MOSPD2: variants seen among roughly 807,000 people sequenced by gnomAD.
MOSPD2 encodes the protein motile sperm domain-containing protein 2.
A neutral mutation model predicts 41.7 loss-of-function variants in MOSPD2; 5 were observed. That is an observed-to-expected ratio of 0.12 (90% CI 0.06 to 0.25). The LOEUF (loss-of-function observed/expected upper bound fraction) is 0.25. Among genes scored for constraint, MOSPD2 ranks in the 10% least tolerant of loss-of-function variants. MOSPD2 has a pLI of 1.00. For missense variants in MOSPD2, 282 were observed against 375.2 expected (o/e 0.75, Z 2.05); for synonymous variants, 115 against 126.9 (o/e 0.91, Z 0.63).
intron 7 of MOSPD2, among the ~76,000 whole-genome samples, chrX:14,908,112 A>G (rs903331466): frequency 6.3e-5 from 7 of 111,519 alleles, no homozygotes; most frequent in African/African-American, 2.3e-4. Context: ...AAATGTACTT[A>G]GATTGTCACA....
At position 14,881,196 on chromosome X, in the gene MOSPD2, A is replaced by G. The variant is rs186921220; in HGVS notation, c.79+7438A>G. Among the ~76,000 whole-genome samples the G allele has an allele frequency of 2.7e-3, 298 of 108,992 alleles. 2 individuals are homozygous for G. Among genetic ancestry groups the G allele is most frequent in the Non-Finnish European group, 3.7e-3 (196 of 52,500 alleles). 94.6% of individuals were successfully genotyped at this position (108,992 alleles called of 115,157 possible). On this transcript the variant is annotated intron_variant, in intron 2 of 14. Coordinates refer to ENST00000380492, the MANE Select transcript of MOSPD2 (RefSeq NM_152581.4). ...ATTTCTCCTGGTGGGATCTGTTGGT[A>G]GTAAACTTTCTTGGTCTTGAAAATA...
chrX:14,878,051 C>T (rs947971695), intron 2 of MOSPD2, among the ~76,000 whole-genome samples: 3 of 110,839 alleles, frequency 2.7e-5, no homozygotes, highest in African/African-American at 6.6e-5. Flanking sequence ...TTTATTTCTC[C>T]GTATTTATGA....
At chrX:14,895,183 G>T (rs2092560876) in intron 3 of MOSPD2, 125 bp from the exon 4 acceptor site, 6 of 451,695 alleles carry the variant, frequency 1.3e-5, no homozygotes, top group South Asian at 7.3e-5. Flanking sequence ...ATTTTTTTTT[G>T]AATGTTTGGG....
chrX:14,874,063 C>T, intron 2 of MOSPD2: 1 of 331,056 alleles, frequency 3.0e-6, no homozygotes, highest in Non-Finnish European at 5.3e-6. Context: ...ACACGGGTGA[C>T]ATTGTCCAGT....
intron 2 of MOSPD2, among the ~76,000 whole-genome samples, chrX:14,876,796 GAT>G (rs2092521147): frequency 1.8e-5 from 2 of 112,071 alleles, no homozygotes; most frequent in Admixed American, 1.9e-4. Context: ...TTAAAACAGA[GAT>G]AGCTATTAAA....
rs377701466 is a variant in MOSPD2 at position 14,899,947 on chromosome X, A to G, written c.478-628A>G. Among the ~76,000 whole-genome samples, 8 of 111,658 alleles carry G rather than the reference A, an allele frequency of 7.2e-5. No individual in the cohort carries two copies. In the East Asian group the frequency reaches 1.7e-3, roughly 23 times the overall value. On this transcript the variant is annotated intron_variant, in intron 5 of 14. Coordinates refer to ENST00000380492, the MANE Select transcript of MOSPD2 (RefSeq NM_152581.4). ...CAGATAGCTATGTTTGTAGTCTCCC[A>G]GAAATCAGAATCAGTGAACAACACT...
intron 2 of MOSPD2, among the ~76,000 whole-genome samples, chrX:14,889,519 CT>C (rs1282373796): frequency 9.2e-6 from 1 of 108,566 alleles, no homozygotes; most frequent in Non-Finnish European, 1.9e-5. Context: ...CTATCTGTCT[CT>C]CCCCCTCTCT....
chrX:14,907,740 G>T (rs2092584677), intron 7 of MOSPD2, among the ~76,000 whole-genome samples: 1 of 111,635 alleles, frequency 9.0e-6, no homozygotes, highest in Non-Finnish European at 1.9e-5. Flanking sequence ...GTTCTTTTTG[G>T]TGTGATGAAA....
At chrX:14,915,905 A>G in intron 12 of MOSPD2, 141 bp downstream of exon 12, 2 of 599,251 alleles carry the variant, frequency 3.3e-6, no homozygotes, top group Non-Finnish European at 5.3e-6. Flanking sequence ...ACCTCGCTGT[A>G]GACATCTTTT....
At chrX:14,900,088 G>A (rs940582919) in intron 5 of MOSPD2, among the ~76,000 whole-genome samples, 1 of 112,011 alleles carries the variant, frequency 8.9e-6, no homozygotes, top group Non-Finnish European at 1.9e-5. Flanking sequence ...AAAAAAGGTT[G>A]ATAAAATATA....
rs201029120 is a variant in MOSPD2, at chrX:14,916,207, C to T, written c.1197C>T (p.Val399=). Residue 399 remains valine (V), a synonymous_variant, in exon 13 of 15, where the codon GTC becomes GTT. Coordinates refer to ENST00000380492, the MANE Select transcript of MOSPD2 (RefSeq NM_152581.4). ...IVVSPHGGLT[V]SAQDRFLIMA... is the part of the protein sequence containing the mutation. ...CCTTTTGGAATGCAGGTTTAACAGT[C>T]TCTGCCCAAGACCGTTTTCTGATAA... is the stretch of plus-strand genomic sequence containing the variant. The T allele has an allele frequency of 1.7e-6, 2 of 1,210,317 alleles. No individual in the cohort carries two copies. The highest frequency in any genetic ancestry group is 2.2e-6 in the Non-Finnish European group (2 of 895,230).
intron 2 of MOSPD2, among the ~76,000 whole-genome samples, chrX:14,887,048 C>T (rs1337117145): frequency 1.8e-5 from 2 of 111,789 alleles, no homozygotes; most frequent in African/African-American, 6.5e-5. Flanking sequence ...AGAAATAGTC[C>T]ATCCAATACG....
In MOSPD2 at chrX:14,878,507, G is replaced by T. The variant is rs183621771; in HGVS notation, c.79+4749G>T. ...TTTATTAGTATGACTTTTAATATTG[G>T]TCTGGGCTTTTCTTGTTTATGTCAC... On this transcript the variant is annotated intron_variant, in intron 2 of 14. Coordinates refer to ENST00000380492, the MANE Select transcript of MOSPD2 (RefSeq NM_152581.4). Among the ~76,000 whole-genome samples, 275 of 111,529 alleles carry T rather than the reference G, an allele frequency of 2.5e-3. 1 individual carries two copies. Among genetic ancestry groups the T allele is most frequent in the African/African-American group, 8.0e-3 (245 of 30,686 alleles).
intron 5 of MOSPD2, among the ~76,000 whole-genome samples, chrX:14,897,931 A>C (rs1470251252): frequency 8.9e-6 from 1 of 112,314 alleles, no homozygotes; most frequent in Non-Finnish European, 1.9e-5. Flanking sequence ...ACTGTCTCTT[A>C]TATTTAATCT....
At chrX:14,899,329 G>C (rs1328348563) in intron 5 of MOSPD2, among the ~76,000 whole-genome samples, 2 of 108,281 alleles carry the variant, frequency 1.8e-5, no homozygotes, top group Non-Finnish European at 3.8e-5. Context: ...TTAAATAAAT[G>C]ATAGAAACAA....
At chrX:14,913,168 T>C (rs1170567680) in intron 10 of MOSPD2, among the ~76,000 whole-genome samples, 1 of 112,303 alleles carries the variant, frequency 8.9e-6, no homozygotes, top group East Asian at 2.8e-4. Flanking sequence ...TTTTCTGTTT[T>C]TCATGGTTTT....
intron 2 of MOSPD2, among the ~76,000 whole-genome samples, chrX:14,888,064 A>G (rs2092545250): frequency 9.0e-6 from 1 of 110,732 alleles, no homozygotes; most frequent in Non-Finnish European, 1.9e-5. Flanking sequence ...GAAATTAGCT[A>G]TTTTAAAGAA....
chrX:14,879,617 A>G (rs2092527825), intron 2 of MOSPD2, among the ~76,000 whole-genome samples: 1 of 111,748 alleles, frequency 8.9e-6, no homozygotes, highest in Non-Finnish European at 1.9e-5. Context: ...AAGAGTGTAA[A>G]AGGTGTCCTG....
chrX:14,908,847 G>T lies in MOSPD2; in HGVS notation c.578-13G>T. ...TGATGAGAATTTTAATGAAGTGACT[G>T]GTTTTTCTTCAGCTGCTTTCAAAAT... On this transcript the variant is annotated splice_polypyrimidine_tract_variant and intron_variant, in intron 7 of 14. Transcript: ENST00000380492. The T allele has an allele frequency of 8.5e-7, 1 of 1,172,954 alleles. No homozygotes were observed. Among genetic ancestry groups the T allele is most frequent in the South Asian group, 1.9e-5 (1 of 52,417 alleles).
Sources: gnomAD v4.1 joint callset for allele counts (sites outside exome capture counted in the v4.1 genomes callset) on GRCh38, gnomAD v4.1.1 for gene constraint, MANE v1.5 for transcripts, NCBI Gene and HGNC (gene_info 2026-07-23, HGNC 2026-07-21) for gene names.